The following TAFA4 variants were observed in gnomAD, a reference collection of about 807,000 sequenced individuals.
The protein encoded by TAFA4 is TAFA chemokine like family member 4, also known as chemokine-like protein TAFA-4.
Under a neutral mutation model 21.1 loss-of-function variants are expected in TAFA4, and 20 were observed. That is an observed-to-expected ratio of 0.95 (90% CI 0.67 to 1.38). TAFA4 has a LOEUF of 1.38. Ranked by LOEUF, TAFA4 falls within the 40% of genes most tolerant of loss-of-function variation. TAFA4 has a pLI of 0.00. For synonymous variants in TAFA4, 71 were observed against 67.4 expected, an observed-to-expected ratio of 1.05 and a Z score of -0.26; for missense variants, 211 against 180.9, an observed-to-expected ratio of 1.17 and a Z score of -0.95.
intron 3 of TAFA4, among the ~76,000 whole-genome samples, chr3:68,770,937 G>A (rs977448143): frequency 1.3e-5 from 2 of 152,144 alleles, no homozygotes; most frequent in African/African-American, 4.8e-5. Flanking sequence ...GCTCTAGAGG[G>A]CACACACACA....
At chr3:68,742,829 A>G (rs1702382625) in intron 4 of TAFA4, among the ~76,000 whole-genome samples, 1 of 152,216 alleles carries the variant, frequency 6.6e-6, no homozygotes, top group East Asian at 1.9e-4. Context: ...AAACAGTCAA[A>G]CAAGCTCTTG....
intron 3 of TAFA4, among the ~76,000 whole-genome samples, chr3:68,818,887 A>T (rs899488938): frequency 6.6e-6 from 1 of 152,240 alleles, no homozygotes; most frequent in African/African-American, 2.4e-5. Context: ...AATGGGACAT[A>T]GATACATGAA....
chr3:68,919,003 C>A (rs990254091), intron 1 of TAFA4, among the ~76,000 whole-genome samples: 4 of 152,152 alleles, frequency 2.6e-5, no homozygotes, highest in African/African-American at 9.7e-5. Flanking sequence ...TCTGTAAGAA[C>A]GAAATTCCAA....
chr3:68,744,369 A>AGACT (rs1303101747), intron 4 of TAFA4, among the ~76,000 whole-genome samples: 1 of 152,216 alleles, frequency 6.6e-6, no homozygotes, highest in East Asian at 1.9e-4. Flanking sequence ...ATTCAAGATT[A>AGACT]GACTTGGGTC....
In TAFA4 at chr3:68,853,651, C is replaced by A. The variant is rs543008680; in HGVS notation, c.130+27079G>T. Reference sequence around the variant, plus strand: ...ACCATCTGTTTTCCATAATATGCCCCCTTTATTAATTATTCATTTCAATGT... The same window carrying A: ...ACCATCTGTTTTCCATAATATGCCCACTTTATTAATTATTCATTTCAATGT... On this transcript the variant is annotated intron_variant, in intron 3 of 5. Transcript: ENST00000295569. 8.3e-4 allele frequency among the ~76,000 whole-genome samples: 127 copies of A among 152,232 alleles called. 2 individuals are homozygous for A. In the South Asian group the frequency reaches 0.025, roughly 30 times the overall value.
intron 3 of TAFA4, among the ~76,000 whole-genome samples, chr3:68,815,786 C>G (rs1248653295): frequency 6.6e-6 from 1 of 152,154 alleles, no homozygotes; most frequent in African/African-American, 2.4e-5. Context: ...ACTAGAAATA[C>G]CATTTGACCC....
intron 3 of TAFA4, among the ~76,000 whole-genome samples, chr3:68,875,383 G>C (rs530140593): frequency 6.6e-6 from 1 of 152,164 alleles, no homozygotes; most frequent in Non-Finnish European, 1.5e-5. Flanking sequence ...TGTGTTTTTC[G>C]TGCAAAAGCT....
intron 3 of TAFA4, among the ~76,000 whole-genome samples, chr3:68,835,131 C>T (rs988372340): frequency 1.3e-5 from 2 of 152,168 alleles, no homozygotes; most frequent in Non-Finnish European, 2.9e-5. Flanking sequence ...CCACCTGGAA[C>T]ACCTGGCCCC....
chr3:68,733,299 T>C, intron 5 of TAFA4, 146 bp from the exon 6 acceptor site: 2 of 1,039,054 alleles, frequency 1.9e-6, no homozygotes, highest in South Asian at 4.3e-5. Context: ...AATCAACAGT[T>C]CAAATTCTGC....
intron 3 of TAFA4, among the ~76,000 whole-genome samples, chr3:68,825,652 CT>C (rs1433139875): frequency 6.6e-6 from 1 of 152,068 alleles, no homozygotes; most frequent in Non-Finnish European, 1.5e-5. Flanking sequence ...TTCCTTTACT[CT>C]TTAATAAACC....
chr3:68,888,886 T>C (rs28378885), intron 1 of TAFA4, among the ~76,000 whole-genome samples: 42,267 of 151,854 alleles, frequency 0.28, 7,141 homozygotes, highest in Middle Eastern at 0.41. Context: ...CTTAATACCA[T>C]CACAATGACA....
intron 1 of TAFA4, among the ~76,000 whole-genome samples, chr3:68,922,443 CA>C (rs952929226): frequency 2.0e-5 from 3 of 152,166 alleles, no homozygotes; most frequent in Admixed American, 2.0e-4. Flanking sequence ...TAAAATCCAA[CA>C]AAGTTCAGAA....
chr3:68,839,605 T>C (rs1296617732), intron 3 of TAFA4, among the ~76,000 whole-genome samples: 3 of 152,220 alleles, frequency 2.0e-5, no homozygotes, highest in Non-Finnish European at 4.4e-5. Flanking sequence ...CTTTTCACAC[T>C]GAGAAACGTA....
intron 3 of TAFA4, among the ~76,000 whole-genome samples, chr3:68,764,734 G>C (rs1253538431): frequency 6.6e-6 from 1 of 152,158 alleles, no homozygotes; most frequent in African/African-American, 2.4e-5. Context: ...GCTTGTAAAG[G>C]TTTCAAACTC....
chr3:68,773,292 A>G (rs1407056958), intron 3 of TAFA4, among the ~76,000 whole-genome samples: 4 of 152,100 alleles, frequency 2.6e-5, no homozygotes, highest in Non-Finnish European at 5.9e-5. Context: ...TTTCCATTTT[A>G]TTATAAAAGA....
At chr3:68,868,846 CA>C (rs2089449486) in intron 3 of TAFA4, among the ~76,000 whole-genome samples, 1 of 151,680 alleles carries the variant, frequency 6.6e-6, no homozygotes, top group Non-Finnish European at 1.5e-5. Flanking sequence ...GACAACCAAC[CA>C]AATCCAAAAT....
Position 68,787,100 on chromosome 3 carries a change from C to G in TAFA4, c.131-34082G>C, listed in dbSNP as rs542933367. Among the ~76,000 whole-genome samples the G allele has an allele frequency of 3.3e-5, 5 of 152,164 alleles. No homozygotes were observed. In the East Asian group the frequency reaches 5.8e-4, roughly 18 times the overall value. On this transcript the variant is annotated intron_variant, in intron 3 of 5. Transcript: ENST00000295569. ...AACCTCACATGAAGTTCCACAGGAG[C>G]CTCATAATTAAAGAAGAGTCAGTTG...
chr3:68,852,872 A>G (rs1325124945), intron 3 of TAFA4, among the ~76,000 whole-genome samples: 2 of 152,208 alleles, frequency 1.3e-5, no homozygotes, highest in Non-Finnish European at 2.9e-5. Flanking sequence ...CTGGAAAAAG[A>G]AAAAAGAAAA....
intron 1 of TAFA4, among the ~76,000 whole-genome samples, chr3:68,891,921 T>G (rs1339537014): frequency 6.6e-6 from 1 of 152,188 alleles, no homozygotes; most frequent in African/African-American, 2.4e-5. Flanking sequence ...TGCAAACAGC[T>G]TTTCCACCAA....
Sources: allele counts gnomAD v4.1 joint callset (sites outside exome capture counted in the v4.1 genomes callset), GRCh38; gene constraint gnomAD v4.1.1; transcripts MANE v1.5; gene names NCBI Gene and HGNC (gene_info 2026-07-23, HGNC 2026-07-21).